Variants in EXOC6B observed in about 807,000 individuals in gnomAD.
The protein encoded by EXOC6B is exocyst complex component 6B, also known as SEC15 homolog B.
EXOC6B carries 54 observed loss-of-function variants against 113.5 expected under a neutral mutation model. The observed-to-expected ratio is 0.48, with a 90% CI of 0.38 to 0.60. EXOC6B has a LOEUF of 0.60. Among genes scored for constraint, EXOC6B ranks in the 20% least tolerant of loss-of-function variants. The pLI is 0.00. For synonymous variants in EXOC6B, 357 were observed against 339.0 expected, an observed-to-expected ratio of 1.05 and a Z score of -0.58; for missense variants, 797 against 977.5, an observed-to-expected ratio of 0.82 and a Z score of 2.46.
At chr2:72,710,816 A>G (rs1407723553) in intron 6 of EXOC6B, among the ~76,000 whole-genome samples, 2 of 152,214 alleles carry the variant, frequency 1.3e-5, no homozygotes, top group Non-Finnish European at 2.9e-5. Context: ...ATCTTACCCA[A>G]GGGTCAGTTC....
chr2:72,238,927 C>T lies in EXOC6B; in HGVS notation c.2197-54740G>A, dbSNP rs149357704. ...TGTTTGCTTGTTTTTTAGACAGAGT[C>T]TCACTCTGTTGCCCCGGCTGGAGTG... On this transcript the variant is annotated intron_variant, in intron 20 of 21. Transcript: ENST00000272427. Among the ~76,000 whole-genome samples, 131 of 152,240 alleles carry T rather than the reference C, an allele frequency of 8.6e-4. 1 individual carries two copies. The highest frequency in any genetic ancestry group is 1.6e-3 in the Non-Finnish European group (108 of 68,026).
intron 1 of EXOC6B, among the ~76,000 whole-genome samples, chr2:72,817,009 AC>A (rs1048659574): frequency 2.0e-5 from 3 of 152,212 alleles, no homozygotes; most frequent in Non-Finnish European, 4.4e-5. Flanking sequence ...CTCAATGAGG[AC>A]ATTTTTTAAA....
chr2:72,248,997 C>A (rs1222735269), intron 20 of EXOC6B, among the ~76,000 whole-genome samples: 5 of 152,146 alleles, frequency 3.3e-5, no homozygotes, highest in Non-Finnish European at 7.3e-5. Context: ...GGTGTGGTAG[C>A]TCAAGTCTAT....
chr2:72,810,336 AAAATAAATAAATAAATAAATAAATAAAT>A (rs150111513), intron 1 of EXOC6B, among the ~76,000 whole-genome samples: 1 of 140,248 alleles, frequency 7.1e-6, no homozygotes, highest in Non-Finnish European at 1.5e-5. Flanking sequence ...CCTTGTCTCT[AAAATAAATAAATAAATAAATAAATAAAT>A]AAATAAATAA....
At chr2:72,224,429 T>C (rs945286330) in intron 20 of EXOC6B, among the ~76,000 whole-genome samples, 1 of 152,098 alleles carries the variant, frequency 6.6e-6, no homozygotes, top group Non-Finnish European at 1.5e-5. Flanking sequence ...TGTACAAAGA[T>C]ACATACTACT....
chr2:72,492,455 T>A, intron 15 of EXOC6B, 26 bp from the exon 16 acceptor site: 1 of 1,456,384 alleles, frequency 6.9e-7, no homozygotes, highest in Non-Finnish European at 9.6e-7. Context: ...TAAGAGTCAG[T>A]CATAGCAGGT....
At chr2:72,757,628 T>G (rs1682499553) in intron 1 of EXOC6B, among the ~76,000 whole-genome samples, 1 of 152,216 alleles carries the variant, frequency 6.6e-6, no homozygotes, top group African/African-American at 2.4e-5. Flanking sequence ...ATGATTTTCA[T>G]AGCATGTACA....
At chr2:72,692,976 A>C (rs1677608740) in intron 6 of EXOC6B, among the ~76,000 whole-genome samples, 1 of 152,310 alleles carries the variant, frequency 6.6e-6, no homozygotes, top group East Asian at 1.9e-4. Flanking sequence ...AACTATCCTT[A>C]AAGAAGATTA....
rs145083382 is a variant in EXOC6B, at chr2:72,568,555, G to A, written c.846+6937C>T. 6.0e-3 allele frequency among the ~76,000 whole-genome samples: 914 copies of A among 151,732 alleles called. 5 individuals carry two copies. The highest frequency in any genetic ancestry group is 0.011 in the Non-Finnish European group (733 of 67,714). ...TACACATACACACACACGCACGCACGCACACACCTATTCTTTCAAAATCAA... is the reference window on the plus strand; with the variant it reads ...TACACATACACACACACGCACGCACACACACACCTATTCTTTCAAAATCAA... On this transcript the variant is annotated intron_variant, in intron 7 of 21. Transcript: ENST00000272427.
intron 6 of EXOC6B, among the ~76,000 whole-genome samples, chr2:72,682,172 A>G (rs895881689): frequency 3.9e-5 from 6 of 152,124 alleles, no homozygotes; most frequent in African/African-American, 1.4e-4. Flanking sequence ...TGCCAGAAAA[A>G]GGCCCTTGAG....
In EXOC6B at chr2:72,587,583, A is replaced by G. The variant is rs1335428049; in HGVS notation, c.670-11915T>C. Among the ~76,000 whole-genome samples, 3 of 152,180 alleles carry G rather than the reference A, an allele frequency of 2.0e-5. No homozygotes were observed. The South Asian group carries it at 6.2e-4, about 31-fold the overall frequency. On this transcript the variant is annotated intron_variant, in intron 6 of 21. Coordinates refer to ENST00000272427, the MANE Select transcript of EXOC6B (RefSeq NM_015189.3). ...AATAAAATTAGAAATTATTTTTTAA[A>G]GTGATGATGATAATAATATGTTAGG...
At chr2:72,463,497 G>A (rs1423175853) in intron 18 of EXOC6B, 6 of 151,984 alleles carry the variant, frequency 3.9e-5, no homozygotes, top group Non-Finnish European at 7.4e-5. Flanking sequence ...ACGTAGACAA[G>A]GGCAACAGAC....
chr2:72,645,341 G>A, intron 6 of EXOC6B, among the ~76,000 whole-genome samples: 1 of 152,036 alleles, frequency 6.6e-6, no homozygotes, highest in Admixed American at 6.5e-5. Flanking sequence ...AATAATAATG[G>A]GAGACTTTAA....
At chr2:72,666,640 C>T (rs924753208) in intron 6 of EXOC6B, among the ~76,000 whole-genome samples, 1 of 152,078 alleles carries the variant, frequency 6.6e-6, no homozygotes, top group Non-Finnish European at 1.5e-5. Context: ...AAAGACTCCA[C>T]CAAAAGGCTC....
At chr2:72,801,827 G>A (rs919993122) in intron 1 of EXOC6B, among the ~76,000 whole-genome samples, 2 of 152,178 alleles carry the variant, frequency 1.3e-5, no homozygotes, top group Non-Finnish European at 2.9e-5. Flanking sequence ...TCACGTAAAA[G>A]AAGTTATTAC....
chr2:72,241,316 A>C (rs1176266567), intron 20 of EXOC6B, among the ~76,000 whole-genome samples: 1 of 152,236 alleles, frequency 6.6e-6, no homozygotes, highest in Non-Finnish European at 1.5e-5. Flanking sequence ...TGGAAACTTC[A>C]AAACTGAAAT....
At chr2:72,353,996 G>C (rs1200188381) in intron 19 of EXOC6B, among the ~76,000 whole-genome samples, 1 of 152,084 alleles carries the variant, frequency 6.6e-6, no homozygotes, top group Non-Finnish European at 1.5e-5. Context: ...AGCAAGCTTC[G>C]GATCACAACT....
At chr2:72,623,623 T>C (rs1671875880) in intron 6 of EXOC6B, among the ~76,000 whole-genome samples, 1 of 152,180 alleles carries the variant, frequency 6.6e-6, no homozygotes, top group Non-Finnish European at 1.5e-5. Flanking sequence ...ACTCCACAGA[T>C]TTATTCAAGT....
intron 12 of EXOC6B, 59 bp from the exon 13 acceptor site, chr2:72,498,610 T>G (rs867892690): frequency 8.2e-7 from 1 of 1,213,132 alleles, no homozygotes; most frequent in South Asian, 1.4e-5. Context: ...TTTTCGGTTT[T>G]TTTTTTTTTT....
Sources: allele counts gnomAD v4.1 joint callset (sites outside exome capture counted in the v4.1 genomes callset), GRCh38; gene constraint gnomAD v4.1.1; transcripts MANE v1.5; gene names NCBI Gene and HGNC (gene_info 2026-07-23, HGNC 2026-07-21).